Variants in MARCHF1 observed in about 807,000 individuals in gnomAD.
MARCHF1 encodes membrane associated ring-CH-type finger 1, also known as E3 ubiquitin-protein ligase MARCHF1.
MARCHF1 carries 40 observed loss-of-function variants against 54.2 expected under a neutral mutation model. The observed-to-expected ratio is 0.74, with a 90% CI of 0.57 to 0.96. MARCHF1 has a LOEUF of 0.96. MARCHF1 is among the 40% of genes least tolerant of loss of function. The pLI is 0.00. For synonymous variants in MARCHF1, 236 were observed against 236.3 expected, an observed-to-expected ratio of 1.00 and a Z score of 0.01; for missense variants, 586 against 656.5, an observed-to-expected ratio of 0.89 and a Z score of 1.17.
chr4:164,062,557 C>A (rs1754641542), intron 2 of MARCHF1, among the ~76,000 whole-genome samples: 1 of 152,084 alleles, frequency 6.6e-6, no homozygotes, highest in Admixed American at 6.5e-5. Context: ...CAGAGTCTCG[C>A]TCTGTTGCCC....
At chr4:164,145,725 G>C (rs1029876404) in intron 1 of MARCHF1, among the ~76,000 whole-genome samples, 2 of 148,596 alleles carry the variant, frequency 1.3e-5, no homozygotes, top group African/African-American at 2.5e-5. Context: ...ATACTGAATG[G>C]GCAAAAACTG....
chr4:164,297,453 A>G (rs191671805), intron 1 of MARCHF1, among the ~76,000 whole-genome samples: 1 of 152,266 alleles, frequency 6.6e-6, no homozygotes, highest in Admixed American at 6.5e-5. Flanking sequence ...AATCATGAGG[A>G]AAACATCAGG....
At chr4:164,284,408 T>G (rs1734097883) in intron 1 of MARCHF1, among the ~76,000 whole-genome samples, 1 of 150,470 alleles carries the variant, frequency 6.6e-6, no homozygotes, top group African/African-American at 2.4e-5. Flanking sequence ...AGAAAAATTG[T>G]ACAGGAAATA....
chr4:163,649,542 C>T (rs189329106), intron 5 of MARCHF1, among the ~76,000 whole-genome samples: 7 of 152,160 alleles, frequency 4.6e-5, no homozygotes, highest in Admixed American at 4.6e-4. Context: ...CTAAGCCTTG[C>T]TTGCCTCCAG....
chr4:164,198,299 T>C (rs1731339064), intron 1 of MARCHF1, among the ~76,000 whole-genome samples: 1 of 152,238 alleles, frequency 6.6e-6, no homozygotes, highest in Non-Finnish European at 1.5e-5. Context: ...TGGTTGTATC[T>C]GTTCTGTCAG....
intron 4 of MARCHF1, among the ~76,000 whole-genome samples, chr4:163,834,772 C>G (rs571627684): frequency 3.9e-5 from 6 of 152,096 alleles, no homozygotes; most frequent in Non-Finnish European, 8.8e-5. Flanking sequence ...GATCTTAAGT[C>G]AATCCCTTTA....
intron 5 of MARCHF1, among the ~76,000 whole-genome samples, chr4:163,687,578 A>G (rs915330577): frequency 6.6e-6 from 1 of 152,206 alleles, no homozygotes; most frequent in Non-Finnish European, 1.5e-5. Context: ...AAAGTAATTA[A>G]TTACTATATT....
intron 8 of MARCHF1, among the ~76,000 whole-genome samples, chr4:163,551,835 C>T (rs1229638109): frequency 6.6e-6 from 1 of 152,102 alleles, no homozygotes; most frequent in African/African-American, 2.4e-5. Flanking sequence ...TAAGACATGC[C>T]TTTCACTGTC....
chr4:163,576,067 T>G (rs1318772338), intron 8 of MARCHF1, among the ~76,000 whole-genome samples: 1 of 152,032 alleles, frequency 6.6e-6, no homozygotes, highest in Non-Finnish European at 1.5e-5. Flanking sequence ...TTTTAGTTTT[T>G]TTTCTTCTTC....
intron 4 of MARCHF1, among the ~76,000 whole-genome samples, chr4:163,763,514 T>C (rs894025900): frequency 1.3e-5 from 2 of 152,118 alleles, no homozygotes; most frequent in African/African-American, 4.8e-5. Context: ...CTCAGAAGTA[T>C]CCAAGCCTTT....
chr4:164,243,513 G>A (rs1237210068), intron 1 of MARCHF1, among the ~76,000 whole-genome samples: 3 of 151,862 alleles, frequency 2.0e-5, no homozygotes, highest in East Asian at 3.9e-4. Flanking sequence ...ATGCCAAAAT[G>A]TAAAGACCAT....
chr4:163,836,837 G>A (rs1749201337), intron 4 of MARCHF1, among the ~76,000 whole-genome samples: 1 of 151,332 alleles, frequency 6.6e-6, no homozygotes, highest in Non-Finnish European at 1.5e-5. Context: ...TCTCATGTGA[G>A]TTAGCCCATT....
intron 4 of MARCHF1, among the ~76,000 whole-genome samples, chr4:163,830,546 T>A (rs1748989613): frequency 6.6e-6 from 1 of 152,078 alleles, no homozygotes. Context: ...CCTTCCAGAT[T>A]TGGAAAGGTA....
chr4:163,844,713 T>G (rs1197166549), intron 4 of MARCHF1, among the ~76,000 whole-genome samples: 6 of 152,230 alleles, frequency 3.9e-5, no homozygotes, highest in Admixed American at 3.9e-4. Context: ...GTGATTCATT[T>G]ATTCCTATTT....
chr4:163,849,416 T>G (rs1175336703), intron 4 of MARCHF1, among the ~76,000 whole-genome samples: 1 of 152,158 alleles, frequency 6.6e-6, no homozygotes, highest in African/African-American at 2.4e-5. Flanking sequence ...AAGCCTCAAC[T>G]GATATGGGTG....
intron 9 of MARCHF1, among the ~76,000 whole-genome samples, chr4:163,543,933 G>A (rs977733498): frequency 1.3e-5 from 2 of 152,186 alleles, no homozygotes; most frequent in Non-Finnish European, 2.9e-5. Context: ...GGAGAGGGGA[G>A]AGACTACATT....
At chr4:163,965,477 A>T (rs1752424206) in intron 3 of MARCHF1, among the ~76,000 whole-genome samples, 2 of 152,008 alleles carry the variant, frequency 1.3e-5, no homozygotes, top group East Asian at 3.9e-4. Context: ...AATGGATTTC[A>T]ACTTGGGCAG....
At chr4:163,928,981 T>C (rs1751596996) in intron 3 of MARCHF1, among the ~76,000 whole-genome samples, 1 of 151,948 alleles carries the variant, frequency 6.6e-6, no homozygotes, top group Non-Finnish European at 1.5e-5. Context: ...TTAAGAAGCT[T>C]TGTAACTTTT....
intron 3 of MARCHF1, among the ~76,000 whole-genome samples, chr4:163,924,917 C>T (rs1751505900): frequency 6.6e-6 from 1 of 151,546 alleles, no homozygotes; most frequent in Admixed American, 6.6e-5. Context: ...TTCCATGAAC[C>T]AATTTATCTT....
Sources: allele counts gnomAD v4.1 joint callset (sites outside exome capture counted in the v4.1 genomes callset), GRCh38; gene constraint gnomAD v4.1.1; transcripts MANE v1.5; gene names NCBI Gene and HGNC (gene_info 2026-07-23, HGNC 2026-07-21).